Variants in SLC30A9 observed in about 807,000 individuals in gnomAD.
The protein encoded by SLC30A9 is proton-coupled zinc antiporter SLC30A9, mitochondrial.
In SLC30A9, 58 loss-of-function variants were observed where a neutral mutation model predicts 87.5. The observed-to-expected ratio is 0.66, with a 90% CI of 0.54 to 0.82. The LOEUF (loss-of-function observed/expected upper bound fraction) is 0.82. SLC30A9 is among the 40% of genes least tolerant of loss of function. The probability of loss-of-function intolerance (pLI) is 0.00; values close to 1 mark genes in which losing one functional copy is unlikely to be tolerated. For missense variants in SLC30A9, 557 were observed against 679.1 expected (o/e 0.82, Z 2.00); for synonymous variants, 234 against 233.0 (o/e 1.00, Z -0.04).
At chr4:42,063,320 G>A (rs1426543720) in intron 11 of SLC30A9, among the ~76,000 whole-genome samples, 199 bp downstream of exon 11, 1 of 152,140 alleles carries the variant, frequency 6.6e-6, no homozygotes, top group East Asian at 1.9e-4. Context: ...CAATGATGTT[G>A]AACAAGATCT....
intron 9 of SLC30A9, among the ~76,000 whole-genome samples, chr4:42,055,364 A>G (rs552722345): frequency 6.8e-6 from 1 of 147,154 alleles, no homozygotes; most frequent in African/African-American, 2.4e-5. Context: ...CTGTGTCTCT[A>G]ATTATAATGT....
intron 1 of SLC30A9, among the ~76,000 whole-genome samples, chr4:41,996,841 C>T (rs1714735199): frequency 1.3e-5 from 2 of 152,130 alleles, no homozygotes; most frequent in African/African-American, 4.8e-5. Flanking sequence ...CAAGACCAGT[C>T]TGGCCCACAT....
chr4:42,016,615 G>A (rs2581424), intron 2 of SLC30A9, among the ~76,000 whole-genome samples: 98,353 of 151,958 alleles, frequency 0.65, 36,000 homozygotes, highest in East Asian at 0.96. Flanking sequence ...TGTGTGTCTG[G>A]TTCATTAATG....
chr4:41,996,572 C>G (rs1714717954), intron 1 of SLC30A9, among the ~76,000 whole-genome samples: 1 of 151,700 alleles, frequency 6.6e-6, no homozygotes, highest in Non-Finnish European at 1.5e-5. Flanking sequence ...AATCCCATCT[C>G]TACAAAAAAA....
intron 8 of SLC30A9, among the ~76,000 whole-genome samples, chr4:42,046,994 T>C (rs1717186764): frequency 1.3e-5 from 2 of 152,172 alleles, no homozygotes; most frequent in Non-Finnish European, 2.9e-5. Flanking sequence ...ATTCCCGATT[T>C]AATAAATGGT....
At chr4:42,008,132 G>A (rs1253023840) in intron 2 of SLC30A9, among the ~76,000 whole-genome samples, 4 of 152,076 alleles carry the variant, frequency 2.6e-5, no homozygotes, top group Non-Finnish European at 4.4e-5. Context: ...CTTTTGGTTC[G>A]GAGAAAATGG....
At chr4:42,007,421 C>A (rs1360412596) in intron 2 of SLC30A9, among the ~76,000 whole-genome samples, 1 of 152,092 alleles carries the variant, frequency 6.6e-6, no homozygotes, top group Non-Finnish European at 1.5e-5. Flanking sequence ...AGTTGGTTAT[C>A]CAGTGAATCT....
chr4:42,002,901 A>G (rs1715047805), intron 2 of SLC30A9, among the ~76,000 whole-genome samples: 1 of 152,166 alleles, frequency 6.6e-6, no homozygotes, highest in Non-Finnish European at 1.5e-5. Flanking sequence ...TTTTCTCTGC[A>G]GTCTCACTAG....
At chr4:42,057,138 A>G (rs1717655625) in intron 9 of SLC30A9, among the ~76,000 whole-genome samples, 1 of 152,166 alleles carries the variant, frequency 6.6e-6, no homozygotes, top group Non-Finnish European at 1.5e-5. Flanking sequence ...TTCCAGGTGC[A>G]CTGTGCAAGC....
rs543486833 is a variant in SLC30A9, at chr4:42,018,620, T to A, written c.334+450T>A. 24 of 255,786 alleles carry A rather than the reference T, an allele frequency of 9.4e-5. No individual in the cohort carries two copies. The South Asian group carries it at 1.0e-3, about 11-fold the overall frequency. 15.8% of individuals were successfully genotyped at this position (255,786 alleles called of 1,614,324 possible). A position where few individuals can be genotyped will look rare whatever the true frequency, so the allele number is the denominator to read the frequency against. On this transcript the variant is annotated intron_variant, in intron 3 of 17. Transcript: ENST00000264451. ...GGTTCCCATCTCCAAAGCAGCTGTT[T>A]CATGGAGGCAGCAACTCTATGATTA...
chr4:42,003,585 T>C (rs544821442), intron 2 of SLC30A9, among the ~76,000 whole-genome samples: 12 of 152,294 alleles, frequency 7.9e-5, no homozygotes, highest in African/African-American at 2.6e-4. Flanking sequence ...TACATTTCTT[T>C]TGGTTACTAT....
intron 7 of SLC30A9, 35 bp from the exon 8 acceptor site, chr4:42,038,951 T>C: frequency 6.4e-7 from 1 of 1,554,746 alleles, no homozygotes; most frequent in Non-Finnish European, 8.9e-7. Flanking sequence ...TGCAAAATTT[T>C]GGAGGTATTA....
chr4:42,041,174 C>A (rs78163668), intron 8 of SLC30A9, among the ~76,000 whole-genome samples: 143 of 152,302 alleles, frequency 9.4e-4, no homozygotes, highest in African/African-American at 2.5e-3. Flanking sequence ...AGTCATCTCC[C>A]ACTGCGTCCC....
intron 14 of SLC30A9, among the ~76,000 whole-genome samples, chr4:42,070,029 T>C (rs1319824960): frequency 1.3e-5 from 2 of 152,214 alleles, no homozygotes; most frequent in African/African-American, 2.4e-5. Context: ...AGAATGATAC[T>C]AGCTATATAT....
chr4:42,021,917 A>ATTTTTTTTTTTTT (rs1180421350), intron 4 of SLC30A9, among the ~76,000 whole-genome samples: 1 of 39,940 alleles, frequency 2.5e-5, no homozygotes, highest in African/African-American at 6.5e-5. Flanking sequence ...CGCCTGGCTA[A>ATTTTTTTTTTTTT]TTTTTTTTTT....
At chr4:42,062,226 G>A (rs1194711399) in intron 10 of SLC30A9, among the ~76,000 whole-genome samples, 2 of 151,092 alleles carry the variant, frequency 1.3e-5, no homozygotes, top group East Asian at 3.9e-4. Flanking sequence ...GTTTAAATTT[G>A]TATTTCTCAG....
chr4:42,029,822 G>A, intron 6 of SLC30A9: 1 of 726,446 alleles, frequency 1.4e-6, no homozygotes, highest in Non-Finnish European at 2.6e-6. Flanking sequence ...CAGTGATGAA[G>A]TATAACGCAT....
chr4:42,001,274 C>T (rs1294053033), intron 1 of SLC30A9, among the ~76,000 whole-genome samples: 1 of 152,008 alleles, frequency 6.6e-6, no homozygotes, highest in Admixed American at 6.6e-5. Context: ...GGAAGTCTTC[C>T]TGACCTTCCC....
chr4:42,049,527 T>C (rs370636087), intron 9 of SLC30A9, 48 bp downstream of exon 9: 2 of 982,710 alleles, frequency 2.0e-6, no homozygotes, highest in African/African-American at 3.3e-5. Flanking sequence ...GTAATAGTTG[T>C]AGGCTTTAAT....
Sources: gnomAD v4.1 joint callset for allele counts (sites outside exome capture counted in the v4.1 genomes callset) on GRCh38, gnomAD v4.1.1 for gene constraint, MANE v1.5 for transcripts, NCBI Gene and HGNC (gene_info 2026-07-23, HGNC 2026-07-21) for gene names.